The following SLC7A6OS variants were observed in gnomAD, a reference collection of about 807,000 sequenced individuals.
SLC7A6OS encodes the protein probable RNA polymerase II nuclear localization protein SLC7A6OS.
In SLC7A6OS, 22 loss-of-function variants were observed where a neutral mutation model predicts 34.3. That is an observed-to-expected ratio of 0.64 (90% CI 0.46 to 0.92). SLC7A6OS has a LOEUF of 0.92. Among genes scored for constraint, SLC7A6OS ranks in the 40% least tolerant of loss-of-function variants. The probability of loss-of-function intolerance (pLI) is 0.00; values close to 1 mark genes in which losing one functional copy is unlikely to be tolerated. For missense variants in SLC7A6OS, 434 were observed against 407.7 expected (o/e 1.06, Z -0.56); for synonymous variants, 199 against 165.0 (o/e 1.21, Z -1.58).
Position 68,304,963 on chromosome 16 carries a change from G to C in SLC7A6OS, c.472-731C>G, listed in dbSNP as rs2043316545. 2.0e-5 allele frequency among the ~76,000 whole-genome samples: 3 copies of C among 152,302 alleles called. No homozygotes were observed. The East Asian group carries it at 5.8e-4, about 29-fold the overall frequency. The stretch of plus-strand genomic sequence containing the variant: ...AGGTACTCAGGAGGTTGAGGCTGCA[G>C]TGAGCCGTGATCATGCCACTGTACT... On this transcript the variant is annotated intron_variant, in intron 2 of 4. Coordinates refer to ENST00000263997, the MANE Select transcript of SLC7A6OS (RefSeq NM_032178.3).
rs770992481 is a variant in SLC7A6OS at position 68,301,299 on chromosome 16, G to A, written c.906C>T (p.Ser302=). 8.1e-6 allele frequency: 13 copies of A among 1,614,044 alleles called. No individual in the cohort carries two copies. The South Asian group carries it at 8.8e-5, about 11-fold the overall frequency. Residue 302 remains serine, a synonymous_variant, in exon 5 of 5, where the codon AGC becomes AGT. Transcript: ENST00000263997. The stretch of plus-strand genomic sequence containing the variant: ...ATCAGTCTGAATCCAGGTCGTGGGG[G>A]CTGTCATAGCCGAACTCCTTCTGCA... The part of the protein sequence containing the change: ...LDVQKEFGYD[S]PHDLDSD
intron 2 of SLC7A6OS, among the ~76,000 whole-genome samples, chr16:68,308,748 T>C (rs1048064853): frequency 2.0e-5 from 3 of 151,894 alleles, no homozygotes; most frequent in Admixed American, 2.0e-4. Context: ...TCTATAAAAA[T>C]GTTTATCAAG....
chr16:68,302,278 T>C (rs1230201783), intron 4 of SLC7A6OS, 103 bp downstream of exon 4: 4 of 1,417,440 alleles, frequency 2.8e-6, no homozygotes, highest in Non-Finnish European at 3.9e-6. Flanking sequence ...CTGCTGGCGC[T>C]CAATGACAGA....
In SLC7A6OS at chr16:68,310,848, A is replaced by G; in HGVS notation, c.79T>C (p.Cys27Arg). The G allele has an allele frequency of 6.2e-7, 1 of 1,613,088 alleles. No homozygotes were observed. The highest frequency in any genetic ancestry group is 8.5e-7 in the Non-Finnish European group (1 of 1,179,844). Residue 27 changes from cysteine (C) to arginine (R), a missense_variant, in exon 1 of 5, where the codon TGT becomes CGT. Coordinates refer to ENST00000263997, the MANE Select transcript of SLC7A6OS (RefSeq NM_032178.3). ...AEPAEALVLA[C>R]KRLRSDAVES... ...ACCGCGTCGCTCCGGAGGCGTTTACAAGCGAGCACAAGAGCCTCCGCCGGC... is the reference window on the plus strand; with the variant it reads ...ACCGCGTCGCTCCGGAGGCGTTTACGAGCGAGCACAAGAGCCTCCGCCGGC...
chr16:68,300,604 G>T lies in SLC7A6OS; in HGVS notation c.*671C>A. On this transcript the variant is annotated 3_prime_UTR_variant, in exon 5 of 5. Transcript: ENST00000263997. ...TATTCAGATTTAAAAGGTTTTCAAA[G>T]AATTACTTTCTTCCATGTTCAAAGC... The T allele has an allele frequency of 2.0e-6, 2 of 983,944 alleles. No homozygotes were observed. Among genetic ancestry groups the T allele is most frequent in the Non-Finnish European group, 2.4e-6 (2 of 828,624 alleles). 61.0% of individuals were successfully genotyped at this position (983,944 alleles called of 1,614,324 possible). A position where few individuals can be genotyped will look rare whatever the true frequency, so the allele number is the denominator to read the frequency against.
intron 4 of SLC7A6OS, 56 bp downstream of exon 4, chr16:68,302,325 C>A: frequency 6.2e-7 from 1 of 1,603,230 alleles, no homozygotes; most frequent in African/African-American, 1.3e-5. Context: ...GTCAACTATG[C>A]CTGCACCTCA....
At chr16:68,310,658 C>T (rs772947702) in intron 1 of SLC7A6OS, 45 bp from the exon 2 acceptor site, 2 of 1,576,554 alleles carry the variant, frequency 1.3e-6, no homozygotes, top group Non-Finnish European at 1.7e-6. Flanking sequence ...CAGGAGTTCG[C>T]GAGCGGGTCA....
At chr16:68,304,962 A>G (rs2043316522) in intron 2 of SLC7A6OS, among the ~76,000 whole-genome samples, 1 of 152,212 alleles carries the variant, frequency 6.6e-6, no homozygotes, top group African/African-American at 2.4e-5. Context: ...TTGAGGCTGC[A>G]GTGAGCCGTG....
intron 4 of SLC7A6OS, 80 bp downstream of exon 4, chr16:68,302,301 A>G: frequency 6.5e-7 from 1 of 1,541,726 alleles, no homozygotes; most frequent in Non-Finnish European, 8.9e-7. Flanking sequence ...AGGAAAGGCA[A>G]TTAAGATGCA....
rs1326872441 is a variant in SLC7A6OS, at chr16:68,300,409, T to C, written c.*866A>G. On this transcript the variant is annotated 3_prime_UTR_variant, in exon 5 of 5. Coordinates refer to ENST00000263997, the MANE Select transcript of SLC7A6OS (RefSeq NM_032178.3). The stretch of plus-strand genomic sequence containing the variant: ...GAAGAGATACAAGTTGTTAATAAAA[T>C]TGATCCTGTTGATAGTAGTTTGTTT... 1.3e-5 allele frequency: 2 copies of C among 157,014 alleles called. No homozygotes were observed. Among genetic ancestry groups the C allele is most frequent in the Admixed American group, 6.6e-5 (1 of 15,266 alleles). The allele number at this position is 157,014 out of a possible 1,614,324, so 9.7% of individuals were successfully genotyped here.
chr16:68,310,236 C>A, intron 2 of SLC7A6OS, 99 bp downstream of exon 2: 2 of 1,285,784 alleles, frequency 1.6e-6, no homozygotes, highest in Non-Finnish European at 1.1e-6. Flanking sequence ...CCGGATGGAT[C>A]ATCCATCCCC....
At chr16:68,304,781 G>A (rs2043314930) in intron 2 of SLC7A6OS, among the ~76,000 whole-genome samples, 1 of 152,082 alleles carries the variant, frequency 6.6e-6, no homozygotes, top group Non-Finnish European at 1.5e-5. Flanking sequence ...TTTGTGCTTG[G>A]CTCTCACACC....
chr16:68,302,139 C>A, intron 4 of SLC7A6OS: 1 of 500,650 alleles, frequency 2.0e-6, no homozygotes. Flanking sequence ...AGTAACTGCC[C>A]AAGAGCCACA....
chr16:68,308,696 G>C (rs2043344531), intron 2 of SLC7A6OS, among the ~76,000 whole-genome samples: 1 of 152,092 alleles, frequency 6.6e-6, no homozygotes, highest in African/African-American at 2.4e-5. Flanking sequence ...GATTCATTTT[G>C]AATTATAATT....
In SLC7A6OS at chr16:68,304,384, G is replaced by C. The variant is rs889377994; in HGVS notation, c.472-152C>G. On this transcript the variant is annotated intron_variant, in intron 2 of 4. Coordinates refer to ENST00000263997, the MANE Select transcript of SLC7A6OS (RefSeq NM_032178.3). ...CGCCCAGGCTGGAGTGCAGTGGCGT[G>C]GTCTTGGCTCACTGCAACCTCCGCC... 8 of 661,744 alleles carry C rather than the reference G, an allele frequency of 1.2e-5. No individual in the cohort carries two copies. In the Admixed American group the frequency reaches 1.3e-4, roughly 11 times the overall value. 41.0% of individuals were successfully genotyped at this position (661,744 alleles called of 1,614,324 possible).
Position 68,299,479 on chromosome 16 carries a change from A to C in SLC7A6OS, c.*1796T>G, listed in dbSNP as rs2043231754. On this transcript the variant is annotated 3_prime_UTR_variant, in exon 5 of 5. Transcript: ENST00000263997. ...ATCCTCTCTTTGGGAGCGAAGCCAG[A>C]GGATCCCTACAGCACTCAAGCTTCA... is the stretch of plus-strand genomic sequence containing the variant. 6.6e-6 allele frequency: 1 copy of C among 152,660 alleles called. No individual in the cohort carries two copies. The highest frequency in any genetic ancestry group is 6.5e-5 in the Admixed American group (1 of 15,286). 9.5% of individuals were successfully genotyped at this position (152,660 alleles called of 1,614,324 possible). A position where few individuals can be genotyped will look rare whatever the true frequency, so the allele number is the denominator to read the frequency against.
Position 68,310,718 on chromosome 16 carries a change from T to G in SLC7A6OS, c.192+17A>C. On this transcript the variant is annotated intron_variant, in intron 1 of 4. Transcript: ENST00000263997. The stretch of plus-strand genomic sequence containing the variant: ...ACCCGAAGATGCCCTCCACACCAGC[T>G]GCACCACGCCCAATACCTGGGAGCA... The G allele has an allele frequency of 1.3e-5, 21 of 1,595,136 alleles. No individual in the cohort carries two copies. Among genetic ancestry groups the G allele is most frequent in the Non-Finnish European group, 1.8e-5 (21 of 1,166,948 alleles).
intron 2 of SLC7A6OS, among the ~76,000 whole-genome samples, chr16:68,309,576 T>A (rs2043389512): frequency 6.6e-6 from 1 of 152,160 alleles, no homozygotes; most frequent in Non-Finnish European, 1.5e-5. Context: ...TGTAGTAGAC[T>A]TTTTTTGGAA....
At chr16:68,303,950 C>A (rs1200621467) in intron 3 of SLC7A6OS, 76 bp downstream of exon 3, 1 of 1,332,914 alleles carries the variant, frequency 7.5e-7, no homozygotes, top group Non-Finnish European at 1.1e-6. Flanking sequence ...GGAGTGGAGC[C>A]CAGGGAAGCA....
Sources: gnomAD v4.1 joint callset for allele counts (sites outside exome capture counted in the v4.1 genomes callset) on GRCh38, gnomAD v4.1.1 for gene constraint, MANE v1.5 for transcripts, NCBI Gene and HGNC (gene_info 2026-07-23, HGNC 2026-07-21) for gene names.